BTBD9: variants seen among roughly 807,000 people sequenced by gnomAD.
BTBD9 encodes the protein BTB domain containing 9.
A neutral mutation model predicts 64.3 loss-of-function variants in BTBD9; 49 were observed. That is an observed-to-expected ratio of 0.76 (90% confidence interval 0.61 to 0.97). BTBD9 has a LOEUF of 0.97. BTBD9 is among the 50% of genes least tolerant of loss of function. The pLI, the probability that BTBD9 is intolerant of heterozygous loss-of-function variation, is 0.00. For synonymous variants in BTBD9, 260 were observed against 274.7 expected (o/e 0.95, Z 0.53); for missense variants, 598 against 762.1 (o/e 0.78, Z 2.53).
At chr6:38,638,731 C>G (rs963277682) in intron 1 of BTBD9, among the ~76,000 whole-genome samples, 2 of 152,226 alleles carry the variant, frequency 1.3e-5, no homozygotes, top group East Asian at 1.9e-4. Flanking sequence ...CCTCTATCCT[C>G]TTACACAAAA....
intron 9 of BTBD9, among the ~76,000 whole-genome samples, chr6:38,198,383 T>G (rs930222585): frequency 6.6e-6 from 1 of 151,956 alleles, no homozygotes; most frequent in African/African-American, 2.4e-5. Context: ...ATGGGAGGAA[T>G]GTACGGTCGC....
At chr6:38,231,657 G>A (rs1257921641) in intron 9 of BTBD9, among the ~76,000 whole-genome samples, 1 of 152,184 alleles carries the variant, frequency 6.6e-6, no homozygotes, top group Non-Finnish European at 1.5e-5. Context: ...CCATAAAAGA[G>A]GCTAGAATGG....
At chr6:38,526,901 T>TGG (rs1773521145) in intron 6 of BTBD9, among the ~76,000 whole-genome samples, 1 of 152,138 alleles carries the variant, frequency 6.6e-6, no homozygotes, top group African/African-American at 2.4e-5. Context: ...GACTTTGGAT[T>TGG]ATGGACTATG....
At chr6:38,336,692 A>T (rs1457836192) in intron 7 of BTBD9, among the ~76,000 whole-genome samples, 1 of 152,108 alleles carries the variant, frequency 6.6e-6, no homozygotes, top group African/African-American at 2.4e-5. Context: ...GACCCAATTT[A>T]TACCCTCCAC....
chr6:38,617,205 C>A (rs551838968), intron 1 of BTBD9, among the ~76,000 whole-genome samples: 2 of 152,158 alleles, frequency 1.3e-5, no homozygotes, highest in Non-Finnish European at 2.9e-5. Flanking sequence ...GCTTTTCCTG[C>A]ACTTCCGGGC....
chr6:38,247,585 C>T (rs1432774474), intron 9 of BTBD9, among the ~76,000 whole-genome samples: 1 of 152,234 alleles, frequency 6.6e-6, no homozygotes, highest in Non-Finnish European at 1.5e-5. Flanking sequence ...GGTGCTCTAA[C>T]CTGCCAAGTA....
chr6:38,212,572 T>A (rs1561880015), intron 9 of BTBD9, among the ~76,000 whole-genome samples: 1 of 151,982 alleles, frequency 6.6e-6, no homozygotes, highest in Non-Finnish European at 1.5e-5. Flanking sequence ...AGGGTGTAGG[T>A]CTCCACTAAA....
At chr6:38,447,585 T>C (rs1769332382) in intron 6 of BTBD9, among the ~76,000 whole-genome samples, 1 of 152,206 alleles carries the variant, frequency 6.6e-6, no homozygotes. Flanking sequence ...AATTCAAGGA[T>C]GTTACAGTAC....
chr6:38,208,765 A>T (rs1762737748), intron 9 of BTBD9, among the ~76,000 whole-genome samples: 2 of 152,174 alleles, frequency 1.3e-5, no homozygotes, highest in South Asian at 4.1e-4. Flanking sequence ...CTTACAGGGA[A>T]TTCTGGGTTC....
At chr6:38,570,289 C>T (rs1204391970) in intron 6 of BTBD9, among the ~76,000 whole-genome samples, 1 of 152,192 alleles carries the variant, frequency 6.6e-6, no homozygotes, top group Non-Finnish European at 1.5e-5. Context: ...CTCAATGCCT[C>T]CTTCTCCTAC....
intron 1 of BTBD9, among the ~76,000 whole-genome samples, chr6:38,604,304 C>A (rs981352625): frequency 6.6e-6 from 1 of 151,234 alleles, no homozygotes; most frequent in Non-Finnish European, 1.5e-5. Flanking sequence ...TATAAATATG[C>A]TCCGGTTTGA....
intron 6 of BTBD9, among the ~76,000 whole-genome samples, chr6:38,345,671 C>G (rs145485652): frequency 6.6e-6 from 1 of 152,336 alleles, no homozygotes; most frequent in South Asian, 2.1e-4. Flanking sequence ...GCCAGCCCCC[C>G]ACTTGACTGC....
chr6:38,570,045 C>T (rs1291125255), intron 6 of BTBD9, among the ~76,000 whole-genome samples: 3 of 152,098 alleles, frequency 2.0e-5, no homozygotes, highest in East Asian at 1.9e-4. Context: ...CAGGAAAATT[C>T]GAAGCTCTAC....
At chr6:38,194,630 C>G (rs953744260) in intron 9 of BTBD9, among the ~76,000 whole-genome samples, 1 of 152,140 alleles carries the variant, frequency 6.6e-6, no homozygotes, top group Non-Finnish European at 1.5e-5. Flanking sequence ...GGCCCAGAAT[C>G]ACGGCCCTGT....
At chr6:38,459,438 T>G (rs992630864) in intron 6 of BTBD9, among the ~76,000 whole-genome samples, 5 of 152,112 alleles carry the variant, frequency 3.3e-5, no homozygotes. Flanking sequence ...GGGTTGTGAG[T>G]TGAAGAACAT....
chr6:38,353,811 A>G (rs1424983921), intron 6 of BTBD9, among the ~76,000 whole-genome samples: 1 of 152,208 alleles, frequency 6.6e-6, no homozygotes. Context: ...AAAAAGCAGA[A>G]CAAATTTAAA....
chr6:38,370,276 T>C (rs1166778407), intron 6 of BTBD9, among the ~76,000 whole-genome samples: 1 of 152,232 alleles, frequency 6.6e-6, no homozygotes, highest in Non-Finnish European at 1.5e-5. Context: ...GTGTAAATGG[T>C]AGGGCAATCA....
chr6:38,636,736 G>A (rs968929830), intron 1 of BTBD9, among the ~76,000 whole-genome samples: 2 of 152,130 alleles, frequency 1.3e-5, no homozygotes, highest in African/African-American at 4.8e-5. Flanking sequence ...CACTGCCAAT[G>A]GATGGGAGGA....
At chr6:38,295,397 C>A (rs1000138886) in intron 7 of BTBD9, among the ~76,000 whole-genome samples, 5 of 152,116 alleles carry the variant, frequency 3.3e-5, no homozygotes, top group Admixed American at 6.6e-5. Context: ...AACTCCTGGG[C>A]TCAAGCAATC....
Sources: gnomAD v4.1 joint callset for allele counts (sites outside exome capture counted in the v4.1 genomes callset) on GRCh38, gnomAD v4.1.1 for gene constraint, MANE v1.5 for transcripts, NCBI Gene and HGNC (gene_info 2026-07-23, HGNC 2026-07-21) for gene names.